Variants in PTGR2 observed in about 807,000 individuals in gnomAD.
PTGR2 encodes the protein 15-oxoprostaglandin 13-reductase.
A neutral mutation model predicts 43.4 loss-of-function variants in PTGR2; 32 were observed. That is an observed-to-expected ratio of 0.74 (90% CI 0.56 to 0.99). The LOEUF is 0.99. Among genes scored for constraint, PTGR2 ranks in the 50% least tolerant of loss-of-function variants. The pLI, the probability that PTGR2 is intolerant of heterozygous loss-of-function variation, is 0.00. For synonymous variants in PTGR2, 106 were observed against 139.2 expected (o/e 0.76, Z 1.68); for missense variants, 373 against 420.0 (o/e 0.89, Z 0.98).
At chr14:73,852,160 T>G (rs1269932403) in intron 1 of PTGR2, 1 of 152,358 alleles carries the variant, frequency 6.6e-6, no homozygotes, top group Middle Eastern at 3.4e-3. Context: ...GAAAGCAACC[T>G]GAGGTTTTGA....
chr14:73,868,288 CA>C (rs778647372), intron 3 of PTGR2, among the ~76,000 whole-genome samples: 66 of 144,452 alleles, frequency 4.6e-4, no homozygotes, highest in East Asian at 6.0e-4. Flanking sequence ...GACTCTGTCT[CA>C]AAAAAAAAAA....
intron 3 of PTGR2, among the ~76,000 whole-genome samples, chr14:73,866,559 T>C (rs189332321): frequency 6.3e-4 from 96 of 152,308 alleles, no homozygotes; most frequent in Non-Finnish European, 9.3e-4. Flanking sequence ...AGGGATTGCT[T>C]TGAGTCTGTA....
intron 3 of PTGR2, among the ~76,000 whole-genome samples, chr14:73,868,914 A>G (rs2054663419): frequency 6.6e-6 from 1 of 152,086 alleles, no homozygotes; most frequent in East Asian, 1.9e-4. Context: ...ACTGTAAGAA[A>G]TTCTTCTTTC....
intron 3 of PTGR2, among the ~76,000 whole-genome samples, chr14:73,863,805 G>A (rs1026467316): frequency 2.0e-5 from 3 of 152,052 alleles, no homozygotes; most frequent in East Asian, 3.9e-4. Flanking sequence ...TAGTAGAGAT[G>A]GGGTTTCACC....
At chr14:73,870,645 C>A (rs1341132555) in intron 3 of PTGR2, among the ~76,000 whole-genome samples, 1 of 151,728 alleles carries the variant, frequency 6.6e-6, no homozygotes, top group Admixed American at 6.6e-5. Flanking sequence ...TCTTTTTATT[C>A]TTTTTAAAAT....
intron 3 of PTGR2, chr14:73,861,294 C>T: frequency 6.6e-6 from 1 of 152,294 alleles, no homozygotes. Flanking sequence ...CTGAAGACTG[C>T]AGATAAGAAG....
intron 3 of PTGR2, among the ~76,000 whole-genome samples, chr14:73,872,584 C>T (rs1319822479): frequency 1.3e-5 from 2 of 152,180 alleles, no homozygotes; most frequent in African/African-American, 4.8e-5. Flanking sequence ...ACATTTCATG[C>T]ATTTAAATGT....
intron 2 of PTGR2, among the ~76,000 whole-genome samples, chr14:73,859,446 C>T (rs1040279502): frequency 2.0e-5 from 3 of 152,010 alleles, no homozygotes; most frequent in African/African-American, 7.3e-5. Flanking sequence ...TTTAACAATT[C>T]TATGAAGAGT....
At chr14:73,859,865 GTT>G (rs35206130) in intron 2 of PTGR2, among the ~76,000 whole-genome samples, 1 of 143,240 alleles carries the variant, frequency 7.0e-6, no homozygotes. Context: ...ACTTGTGCCT[GTT>G]TTTTTTTTTT....
Position 73,877,147 on chromosome 14 carries a change from C to T in PTGR2, c.498C>T (p.Ala166=), listed in dbSNP as rs747970876. 4.5e-5 allele frequency: 73 copies of T among 1,610,818 alleles called. No individual in the cohort carries two copies. The highest frequency in any genetic ancestry group is 2.5e-4 in the Admixed American group (15 of 59,032). Residue 166 remains alanine (A), a synonymous_variant, in exon 5 of 10, where the codon GCC becomes GCT. Transcript: ENST00000555661. Reference sequence around the variant, plus strand: ...TGGTTGTCAGTGGGGCCGCAGGTGCCTGTGGATCTGTGGCTGGGCAGGTAA... The same window carrying T: ...TGGTTGTCAGTGGGGCCGCAGGTGCTTGTGGATCTGTGGCTGGGCAGGTAA... The part of the protein sequence containing the change: ...KTMVVSGAAG[A]CGSVAGQIGH...
At chr14:73,858,645 T>C (rs985262492) in intron 1 of PTGR2, 171 bp from the exon 2 acceptor site, 2 of 398,590 alleles carry the variant, frequency 5.0e-6, no homozygotes, top group African/African-American at 4.0e-5. Context: ...AGATTTAGTC[T>C]TTCTTCATAT....
intron 1 of PTGR2, among the ~76,000 whole-genome samples, chr14:73,853,709 G>A (rs1364174255): frequency 6.6e-6 from 1 of 152,134 alleles, no homozygotes; most frequent in African/African-American, 2.4e-5. Context: ...GTTTAAACAG[G>A]CTAGTGAATG....
chr14:73,866,332 T>A (rs1164824585), intron 3 of PTGR2, among the ~76,000 whole-genome samples: 1 of 151,772 alleles, frequency 6.6e-6, no homozygotes, highest in Non-Finnish European at 1.5e-5. Flanking sequence ...AGAGACAGGG[T>A]TTCACCATGT....
intron 7 of PTGR2, 139 bp downstream of exon 7, chr14:73,880,315 G>A: frequency 4.0e-6 from 4 of 991,776 alleles, no homozygotes; most frequent in Non-Finnish European, 6.1e-6. Context: ...GCTTATGCCT[G>A]TAATCCTAGC....
At position 73,885,002 on chromosome 14, in the gene PTGR2, A is replaced by G. The variant is rs907951277; in HGVS notation, c.*825A>G. 4 of 152,206 alleles carry G rather than the reference A, an allele frequency of 2.6e-5. No individual in the cohort carries two copies. 9.4% of individuals were successfully genotyped at this position (152,206 alleles called of 1,614,324 possible). ...ACATCACTTGTAGGTGATTAAAAAG[A>G]TTGACAGCCGGGCCTGATGTCTCAA... On this transcript the variant is annotated 3_prime_UTR_variant, in exon 10 of 10. Transcript: ENST00000555661.
At chr14:73,879,031 C>A in intron 5 of PTGR2, 65 bp from the exon 6 acceptor site, 1 of 1,319,892 alleles carries the variant, frequency 7.6e-7, no homozygotes, top group Non-Finnish European at 1.1e-6. Flanking sequence ...ATCTTGTATA[C>A]TGGTACATTT....
At chr14:73,869,566 C>T (rs1171336158) in intron 3 of PTGR2, among the ~76,000 whole-genome samples, 4 of 142,460 alleles carry the variant, frequency 2.8e-5, no homozygotes, top group Non-Finnish European at 6.1e-5. Flanking sequence ...AGAGTGAGAC[C>T]GTGCCTCAAA....
At chr14:73,852,485 T>G (rs1439257653) in intron 1 of PTGR2, among the ~76,000 whole-genome samples, 2 of 152,088 alleles carry the variant, frequency 1.3e-5, no homozygotes, top group Non-Finnish European at 2.9e-5. Context: ...TCTCCTGACC[T>G]CGTGATCTGC....
At position 73,871,320 on chromosome 14, in the gene PTGR2, C is replaced by G. The variant is rs144813180; in HGVS notation, c.157-2703C>G. The stretch of plus-strand genomic sequence containing the variant: ...TTCCCATATAACTTACCCCATGCAT[C>G]TCTTCTATTTGGCTGTTCATCTTTT... On this transcript the variant is annotated intron_variant, in intron 3 of 9. Coordinates refer to ENST00000555661, the MANE Select transcript of PTGR2 (RefSeq NM_001146154.2). Among the ~76,000 whole-genome samples the G allele has an allele frequency of 1.7e-4, 20 of 114,322 alleles. No individual in the cohort carries two copies. In the East Asian group the frequency reaches 2.6e-3, roughly 15 times the overall value. 75.0% of individuals were successfully genotyped at this position (114,322 alleles called of 152,430 possible). A position where few individuals can be genotyped will look rare whatever the true frequency, so the allele number is the denominator to read the frequency against.
Sources: gnomAD v4.1 joint callset for allele counts (sites outside exome capture counted in the v4.1 genomes callset) on GRCh38, gnomAD v4.1.1 for gene constraint, MANE v1.5 for transcripts, NCBI Gene and HGNC (gene_info 2026-07-23, HGNC 2026-07-21) for gene names.